The following KIRREL3 variants were observed in gnomAD, a reference collection of about 807,000 sequenced individuals.
KIRREL3 encodes the protein kin of IRRE-like protein 3.
In KIRREL3, 36 loss-of-function variants were observed where a neutral mutation model predicts 89.7. The observed-to-expected ratio is 0.40, with a 90% CI of 0.31 to 0.53. The LOEUF (loss-of-function observed/expected upper bound fraction) is 0.53, where lower values mean the gene tolerates loss of function less well. Ranked by LOEUF, KIRREL3 falls within the 20% of genes least tolerant of loss-of-function variation. The pLI is 0.49. For synonymous variants in KIRREL3, 445 were observed against 441.4 expected (o/e 1.01, Z -0.10); for missense variants, 864 against 1,056.6 (o/e 0.82, Z 2.53).
intron 1 of KIRREL3, among the ~76,000 whole-genome samples, chr11:126,572,759 C>G (rs919185491): frequency 6.6e-6 from 1 of 152,146 alleles, no homozygotes; most frequent in South Asian, 2.1e-4. Context: ...GGTGTGCAGG[C>G]AGCAGGGGCG....
chr11:126,919,145 G>A (rs947515803), intron 1 of KIRREL3, among the ~76,000 whole-genome samples: 1 of 152,000 alleles, frequency 6.6e-6, no homozygotes, highest in African/African-American at 2.4e-5. Flanking sequence ...TGCATAATTT[G>A]TAGAATTAAG....
rs998114082 is a variant in KIRREL3 at position 126,521,609 on chromosome 11, C to G, written c.284-145G>C. 1.4e-6 allele frequency: 1 copy of G among 690,862 alleles called. No individual in the cohort carries two copies. 42.8% of individuals were successfully genotyped at this position (690,862 alleles called of 1,614,324 possible). ...ATTGCTCAGGGCTCTGATCTCAGTG[C>G]AAGGAGCACAAATGCAAGAGCTTTC... On this transcript the variant is annotated intron_variant, in intron 3 of 16. Transcript: ENST00000525144. The surrounding 1 kb of genome is among the most constrained non-coding windows in gnomAD (Gnocchi z 4.1).
chr11:126,445,160 T>C, intron 9 of KIRREL3, 55 bp from the exon 10 acceptor site: 1 of 1,598,918 alleles, frequency 6.3e-7, no homozygotes, highest in South Asian at 1.1e-5. Context: ...TGCACTCTTG[T>C]CTCTGGGAAC....
intron 4 of KIRREL3, among the ~76,000 whole-genome samples, chr11:126,482,961 A>G (rs952074987): frequency 2.4e-4 from 37 of 152,372 alleles, no homozygotes; most frequent in Middle Eastern, 6.8e-3. Flanking sequence ...TCAGAACACA[A>G]TACTCCAAGA....
chr11:126,550,854 T>C lies in KIRREL3; in HGVS notation c.133+11981A>G, dbSNP rs1447060452. 1.3e-5 allele frequency among the ~76,000 whole-genome samples: 2 copies of C among 152,070 alleles called. No homozygotes were observed. Among genetic ancestry groups the C allele is most frequent in the Non-Finnish European group, 2.9e-5 (2 of 68,012 alleles). Reference sequence around the variant, plus strand: ...AGCAGCGGACACCAGCTGGGTGTCCTCCAATTCAATTCTGACACTGTCTAC... The same window carrying C: ...AGCAGCGGACACCAGCTGGGTGTCCCCCAATTCAATTCTGACACTGTCTAC... On this transcript the variant is annotated intron_variant, in intron 2 of 16. Coordinates refer to ENST00000525144, the MANE Select transcript of KIRREL3 (RefSeq NM_032531.4). This position sits in a 1 kb window ranked among gnomAD's most constrained non-coding sequence, Gnocchi z 4.9.
rs1957491361 is a variant in KIRREL3 at position 126,490,821 on chromosome 11, A to G, written c.434-17355T>C. Among the ~76,000 whole-genome samples the G allele has an allele frequency of 6.6e-6, 1 of 152,034 alleles. No homozygotes were observed. Among genetic ancestry groups the G allele is most frequent in the Admixed American group, 6.6e-5 (1 of 15,262 alleles). On this transcript the variant is annotated intron_variant, in intron 4 of 16. Coordinates refer to ENST00000525144, the MANE Select transcript of KIRREL3 (RefSeq NM_032531.4). This position sits in a 1 kb window ranked among gnomAD's most constrained non-coding sequence, Gnocchi z 4.2. Reference sequence around the variant, plus strand: ...GTCTGGGACTCCAAGGGCCGAGCAGAGCCGGCAGTAGCATTTGGAGTCAAA... The same window carrying G: ...GTCTGGGACTCCAAGGGCCGAGCAGGGCCGGCAGTAGCATTTGGAGTCAAA...
At chr11:126,560,266 G>A (rs1195320445) in intron 2 of KIRREL3, among the ~76,000 whole-genome samples, 1 of 152,010 alleles carries the variant, frequency 6.6e-6, no homozygotes, top group Non-Finnish European at 1.5e-5. Context: ...GGTCCACACA[G>A]TAGAGGACAC....
chr11:126,565,553 C>G lies in KIRREL3; in HGVS notation c.56-2641G>C, dbSNP rs561166425. ...GCACACTGCAGAAATTTATTAAGTG[C>G]GAGGGCTCTCTGACTGAGACTTTGT... On this transcript the variant is annotated intron_variant, in intron 1 of 16. Coordinates refer to ENST00000525144, the MANE Select transcript of KIRREL3 (RefSeq NM_032531.4). This position sits in a 1 kb window ranked among gnomAD's most constrained non-coding sequence, Gnocchi z 5.4. Among the ~76,000 whole-genome samples the G allele has an allele frequency of 6.6e-6, 1 of 152,102 alleles. No individual in the cohort carries two copies. Among genetic ancestry groups the G allele is most frequent in the Non-Finnish European group, 1.5e-5 (1 of 68,028 alleles).
intron 5 of KIRREL3, among the ~76,000 whole-genome samples, chr11:126,468,248 C>T (rs1361394719): frequency 6.6e-6 from 1 of 152,222 alleles, no homozygotes; most frequent in South Asian, 2.1e-4. Context: ...CACTCTGGCG[C>T]CAGGCCCTCA....
intron 1 of KIRREL3, among the ~76,000 whole-genome samples, chr11:126,602,651 G>A (rs1250042663): frequency 6.6e-6 from 1 of 152,140 alleles, no homozygotes; most frequent in African/African-American, 2.4e-5. Flanking sequence ...AGGCAGGCAT[G>A]TGGCCCCGTG....
In KIRREL3 at chr11:126,489,890, G is replaced by A. The variant is rs1038548727; in HGVS notation, c.434-16424C>T. Among the ~76,000 whole-genome samples the A allele has an allele frequency of 1.3e-5, 2 of 152,006 alleles. No individual in the cohort carries two copies. Among genetic ancestry groups the A allele is most frequent in the African/African-American group, 4.8e-5 (2 of 41,384 alleles). Reference sequence around the variant, plus strand: ...TGTCGAGTTGCAGTGGGTGCGCTGGGATCAGTCCGGGTTAAAATACGTGGG... The same window carrying A: ...TGTCGAGTTGCAGTGGGTGCGCTGGAATCAGTCCGGGTTAAAATACGTGGG... On this transcript the variant is annotated intron_variant, in intron 4 of 16. Coordinates refer to ENST00000525144, the MANE Select transcript of KIRREL3 (RefSeq NM_032531.4). This position sits in a 1 kb window ranked among gnomAD's most constrained non-coding sequence, Gnocchi z 5.5.
chr11:126,869,598 G>C (rs962576033), intron 1 of KIRREL3, among the ~76,000 whole-genome samples: 14 of 152,126 alleles, frequency 9.2e-5, no homozygotes, highest in African/African-American at 3.4e-4. Flanking sequence ...CCCATTTCCA[G>C]TGTCTAGACC....
chr11:126,585,220 CTTTTTTTTT>C (rs3042225), intron 1 of KIRREL3, among the ~76,000 whole-genome samples: 200 of 81,920 alleles, frequency 2.4e-3, no homozygotes, highest in Non-Finnish European at 3.5e-3. Flanking sequence ...CGCCCGGCCT[CTTTTTTTTT>C]TTTTTTTTTT....
rs1048801203 is a variant in KIRREL3, at chr11:126,689,398, G to C, written c.56-126486C>G. Among the ~76,000 whole-genome samples, 1 of 152,188 alleles carries C rather than the reference G, an allele frequency of 6.6e-6. No homozygotes were observed. Among genetic ancestry groups the C allele is most frequent in the Non-Finnish European group, 1.5e-5 (1 of 68,030 alleles). ...CAGAGTCCCCATCCTTGCATCTCAT[G>C]ATCTATCATTTAACAGCCCTGTCCA... On this transcript the variant is annotated intron_variant, in intron 1 of 16. Transcript: ENST00000525144. The surrounding 1 kb of genome is among the most constrained non-coding windows in gnomAD (Gnocchi z 5.2).
chr11:126,936,821 TAG>T (rs1234936933), intron 1 of KIRREL3: 1 of 152,210 alleles, frequency 6.6e-6, no homozygotes, highest in Admixed American at 6.5e-5. Context: ...GTTCTAAAAC[TAG>T]ATTGTAGTGA....
intron 1 of KIRREL3, among the ~76,000 whole-genome samples, chr11:126,850,710 C>T (rs865871231): frequency 1.1e-4 from 16 of 152,174 alleles, no homozygotes; most frequent in Non-Finnish European, 1.0e-4. Context: ...CACTGCTTAT[C>T]CCCAAAATAA....
chr11:126,428,384 G>A lies in KIRREL3; in HGVS notation c.1806+795C>T, dbSNP rs1955014280. 6.6e-6 allele frequency among the ~76,000 whole-genome samples: 1 copy of A among 152,174 alleles called. No homozygotes were observed. The highest frequency in any genetic ancestry group is 2.4e-5 in the African/African-American group (1 of 41,438). On this transcript the variant is annotated intron_variant, in intron 15 of 16. Transcript: ENST00000525144. The surrounding 1 kb of genome is among the most constrained non-coding windows in gnomAD (Gnocchi z 6.4). ...CATAAATGGGGATTCGGAAGAGGAGGAGCAGGCTTGATGTGCCTGGAGAAG... is the reference window on the plus strand; with the variant it reads ...CATAAATGGGGATTCGGAAGAGGAGAAGCAGGCTTGATGTGCCTGGAGAAG...
intron 1 of KIRREL3, among the ~76,000 whole-genome samples, chr11:126,901,600 T>C (rs946762309): frequency 6.6e-6 from 1 of 152,190 alleles, no homozygotes; most frequent in Admixed American, 6.5e-5. Context: ...GGCAACCTCT[T>C]GGTGGTGCTG....
At chr11:126,482,988 T>C (rs760724596) in intron 4 of KIRREL3, among the ~76,000 whole-genome samples, 7 of 152,248 alleles carry the variant, frequency 4.6e-5, no homozygotes, top group Non-Finnish European at 8.8e-5. Flanking sequence ...ATCTTAGAAG[T>C]TGAGAAAACA....
Sources: gnomAD v4.1 joint callset for allele counts (sites outside exome capture counted in the v4.1 genomes callset) on GRCh38, gnomAD v4.1.1 for gene constraint, Gnocchi (gnomAD v3.1) non-coding constraint, MANE v1.5 for transcripts, NCBI Gene and HGNC (gene_info 2026-07-23, HGNC 2026-07-21) for gene names.